Variants in PEAK1 observed in about 807,000 individuals in gnomAD.
PEAK1 encodes the protein inactive tyrosine-protein kinase PEAK1.
PEAK1 carries 54 observed loss-of-function variants against 124.7 expected under a neutral mutation model. That is an observed-to-expected ratio of 0.43 (90% CI 0.35 to 0.54). The LOEUF (loss-of-function observed/expected upper bound fraction) is 0.54, where lower values mean the gene tolerates loss of function less well. Among genes scored for constraint, PEAK1 ranks in the 20% least tolerant of loss-of-function variants. PEAK1 has a pLI of 0.01. For missense variants in PEAK1, 2,046 were observed against 2,134.5 expected, an observed-to-expected ratio of 0.96 and a Z score of 0.82; for synonymous variants, 719 against 760.0, an observed-to-expected ratio of 0.95 and a Z score of 0.89.
At chr15:77,363,974 G>A (rs1379852359) in intron 2 of PEAK1, among the ~76,000 whole-genome samples, 12 of 152,072 alleles carry the variant, frequency 7.9e-5, no homozygotes, top group Admixed American at 7.9e-4. Context: ...CGAGGTGGGA[G>A]GATCACTTGA....
Position 77,143,605 on chromosome 15 carries a change from C to T in PEAK1, c.3332-9855G>A, listed in dbSNP as rs555637650. ...TCCAGCACTCTTGGCCAATTTTACG[C>T]TTCCTTTGTGCTTTGTGTCTTTGCT... On this transcript the variant is annotated intron_variant, in intron 8 of 9. Transcript: ENST00000682557. Among the ~76,000 whole-genome samples the T allele has an allele frequency of 2.0e-5, 3 of 152,308 alleles. No homozygotes were observed. In the South Asian group the frequency reaches 6.2e-4, roughly 32 times the overall value.
chr15:77,301,365 T>A (rs1454030075), intron 2 of PEAK1, among the ~76,000 whole-genome samples: 2 of 152,190 alleles, frequency 1.3e-5, no homozygotes, highest in Non-Finnish European at 2.9e-5. Context: ...AGGATGATCA[T>A]CATATCAAAA....
intron 2 of PEAK1, chr15:77,346,470 C>G: frequency 1.0e-6 from 1 of 985,348 alleles, no homozygotes; most frequent in South Asian, 4.7e-5. Context: ...AGGACTGAAG[C>G]AGCTGTTAGA....
chr15:77,365,214 T>C lies in PEAK1; in HGVS notation c.-654A>G. On this transcript the variant is annotated 5_prime_UTR_variant, in exon 2 of 10. Coordinates refer to ENST00000682557, the MANE Select transcript of PEAK1 (RefSeq NM_001385026.1). The stretch of plus-strand genomic sequence containing the variant: ...AAATGTCTACAGCATAAGTTCCAGT[T>C]TGGGCAGATACCTGAATTGTAAAAA... 6 of 983,168 alleles carry C rather than the reference T, an allele frequency of 6.1e-6. No homozygotes were observed. The highest frequency in any genetic ancestry group is 7.2e-6 in the Non-Finnish European group (6 of 827,894). The allele number at this position is 983,168 out of a possible 1,614,324, so 60.9% of individuals were successfully genotyped here.
chr15:77,163,748 A>T, intron 7 of PEAK1, among the ~76,000 whole-genome samples: 1 of 152,178 alleles, frequency 6.6e-6, no homozygotes, highest in East Asian at 1.9e-4. Flanking sequence ...TCTAGAGACT[A>T]CCTGCCTCTT....
chr15:77,153,317 T>C lies in PEAK1; in HGVS notation c.3331+5186A>G, dbSNP rs562931406. Among the ~76,000 whole-genome samples, 10 of 152,348 alleles carry C rather than the reference T, an allele frequency of 6.6e-5. No individual in the cohort carries two copies. In the East Asian group the frequency reaches 1.9e-3, roughly 29 times the overall value. On this transcript the variant is annotated intron_variant, in intron 8 of 9. Transcript: ENST00000682557. ...ATTCTCTGATGGTAGTTTGCATTTC[T>C]GTGGGATCGGTGGTGATATCCCCTT...
intron 5 of PEAK1, among the ~76,000 whole-genome samples, chr15:77,276,076 T>C (rs2062306303): frequency 1.3e-5 from 2 of 151,322 alleles, no homozygotes; most frequent in African/African-American, 2.4e-5. Context: ...GAAAACAAAC[T>C]AAAAAAACAA....
At chr15:77,381,713 T>C (rs994613236) in intron 1 of PEAK1, among the ~76,000 whole-genome samples, 3 of 152,192 alleles carry the variant, frequency 2.0e-5, no homozygotes, top group Non-Finnish European at 2.9e-5. Flanking sequence ...AAGTACTCAT[T>C]TAGCCATTAT....
chr15:77,186,949 G>A (rs778471701), intron 6 of PEAK1, among the ~76,000 whole-genome samples: 9 of 152,304 alleles, frequency 5.9e-5, no homozygotes, highest in Non-Finnish European at 1.3e-4. Context: ...CCCCAAATGG[G>A]AAACTCCAGT....
intron 2 of PEAK1, among the ~76,000 whole-genome samples, chr15:77,356,143 G>T (rs1157120157): frequency 1.3e-5 from 2 of 152,182 alleles, no homozygotes; most frequent in African/African-American, 2.4e-5. Context: ...GAAGTCTGAA[G>T]GAACTTAAGG....
chr15:77,365,632 C>T (rs542786220), intron 1 of PEAK1, among the ~76,000 whole-genome samples: 189 of 150,320 alleles, frequency 1.3e-3, no homozygotes, highest in Non-Finnish European at 2.3e-3. Context: ...CCCACCTACT[C>T]GGGAGGCTGA....
At chr15:77,197,763 T>C (rs1202340353) in intron 6 of PEAK1, among the ~76,000 whole-genome samples, 3 of 152,200 alleles carry the variant, frequency 2.0e-5, no homozygotes, top group African/African-American at 7.2e-5. Flanking sequence ...TATAATAATC[T>C]AAGTAGACCA....
chr15:77,208,001 G>A (rs139183624), intron 6 of PEAK1, among the ~76,000 whole-genome samples: 1 of 152,254 alleles, frequency 6.6e-6, no homozygotes, highest in Non-Finnish European at 1.5e-5. Flanking sequence ...TCTGAAATAA[G>A]GGACAAGGCT....
intron 2 of PEAK1, among the ~76,000 whole-genome samples, chr15:77,298,500 G>A (rs959768238): frequency 4.0e-5 from 6 of 151,750 alleles, no homozygotes; most frequent in African/African-American, 1.5e-4. Flanking sequence ...TTACAGGCGT[G>A]AGCCACCACG....
chr15:77,117,630 A>C (rs1052684595), intron 9 of PEAK1, among the ~76,000 whole-genome samples: 4 of 152,206 alleles, frequency 2.6e-5, no homozygotes, highest in African/African-American at 9.7e-5. Flanking sequence ...AGGACAGACA[A>C]AAAGAAACTG....
At chr15:77,173,938 T>C (rs191056838) in intron 7 of PEAK1, among the ~76,000 whole-genome samples, 2 of 152,356 alleles carry the variant, frequency 1.3e-5, no homozygotes, top group East Asian at 3.9e-4. Flanking sequence ...CTAATAACAT[T>C]TTTAAGCAGT....
intron 2 of PEAK1, chr15:77,352,875 TGAAG>T (rs2141460914): frequency 1.0e-6 from 1 of 985,348 alleles, no homozygotes. Flanking sequence ...AGACATTTAG[TGAAG>T]GATCAATGTG....
chr15:77,133,523 T>G lies in PEAK1; in HGVS notation c.3559A>C (p.Thr1187Pro). The change falls in exon 9 of 10, where the codon ACC becomes CCC. Residue 1187 changes from threonine (T) to proline (P), a missense_variant. Transcript: ENST00000682557. This position sits in a 1 kb window ranked among gnomAD's most constrained non-coding sequence, Gnocchi z 4.2. ...TCCCAGTTGGGGTCGATATCATAGG[T>G]GGGATTAGCCATGACACAAAGACTA... ...ESSLCVMANP[T>P]YDIDPNWDAS... 6.2e-7 allele frequency: 1 copy of G among 1,614,102 alleles called. No homozygotes were observed. The highest frequency in any genetic ancestry group is 8.5e-7 in the Non-Finnish European group (1 of 1,180,000).
chr15:77,341,481 GAGAGTAAGA>G (rs2066529735), intron 2 of PEAK1, among the ~76,000 whole-genome samples: 1 of 151,694 alleles, frequency 6.6e-6, no homozygotes, highest in Non-Finnish European at 1.5e-5. Context: ...GCCTGGGTGA[GAGAGTAAGA>G]CTGCATCTCA....
Sources: allele counts gnomAD v4.1 joint callset (sites outside exome capture counted in the v4.1 genomes callset), GRCh38; gene constraint gnomAD v4.1.1; non-coding constraint Gnocchi (gnomAD v3.1); transcripts MANE v1.5; gene names NCBI Gene and HGNC (gene_info 2026-07-23, HGNC 2026-07-21).